IMMP2L: variants seen among roughly 807,000 people sequenced by gnomAD.
IMMP2L encodes inner mitochondrial membrane peptidase subunit 2.
In IMMP2L, 18 loss-of-function variants were observed where a neutral mutation model predicts 19.3. That is an observed-to-expected ratio of 0.93 (90% CI 0.64 to 1.38). IMMP2L has a LOEUF of 1.38. Ranked by LOEUF, IMMP2L falls within the 40% of genes most tolerant of loss-of-function variation. The pLI, the probability that IMMP2L is intolerant of heterozygous loss-of-function variation, is 0.00. For synonymous variants in IMMP2L, 76 were observed against 73.0 expected (o/e 1.04, Z -0.21); for missense variants, 233 against 218.2 (o/e 1.07, Z -0.43).
chr7:110,918,201 C>T (rs965767094), intron 4 of IMMP2L, among the ~76,000 whole-genome samples: 14 of 152,074 alleles, frequency 9.2e-5, no homozygotes, highest in African/African-American at 3.1e-4. Context: ...TCTCAAAACA[C>T]AGATTATGAA....
chr7:111,078,314 C>T (rs1047281252), intron 3 of IMMP2L, among the ~76,000 whole-genome samples: 3 of 152,170 alleles, frequency 2.0e-5, no homozygotes, highest in South Asian at 4.1e-4. Flanking sequence ...TTGGTATGCG[C>T]TTTCAGGAAA....
chr7:111,414,207 A>T (rs1314888517), intron 3 of IMMP2L, among the ~76,000 whole-genome samples: 1 of 151,838 alleles, frequency 6.6e-6, no homozygotes, highest in African/African-American at 2.4e-5. Flanking sequence ...GTTCCCCTGC[A>T]GGAAGATTCC....
chr7:111,071,475 T>C (rs1794944304), intron 3 of IMMP2L, among the ~76,000 whole-genome samples: 1 of 151,806 alleles, frequency 6.6e-6, no homozygotes, highest in African/African-American at 2.4e-5. Context: ...AGTCAGAACA[T>C]GAAAAAAAGA....
chr7:111,178,994 C>A (rs529289068), intron 3 of IMMP2L, among the ~76,000 whole-genome samples: 4 of 151,914 alleles, frequency 2.6e-5, no homozygotes, highest in Non-Finnish European at 5.9e-5. Flanking sequence ...CCAGAGCCAT[C>A]GGCAGAATCA....
rs1808444466 is a variant in IMMP2L, at chr7:110,870,607, A to G, written c.408+15986T>C. Among the ~76,000 whole-genome samples, 2 of 152,164 alleles carry G rather than the reference A, an allele frequency of 1.3e-5. No homozygotes were observed. Among genetic ancestry groups the G allele is most frequent in the Admixed American group, 1.3e-4 (2 of 15,262 alleles). On this transcript the variant is annotated intron_variant, in intron 5 of 5. Transcript: ENST00000405709. The surrounding 1 kb of genome is among the most constrained non-coding windows in gnomAD (Gnocchi z 4.2). ...GTGTTCCATTTTGTTAGATGCACAG[A>G]AAAAACTCTTCCCTGAAGTGGGGAA...
At chr7:110,737,105 T>C (rs1324759050) in intron 5 of IMMP2L, among the ~76,000 whole-genome samples, 7 of 152,096 alleles carry the variant, frequency 4.6e-5, no homozygotes, top group African/African-American at 9.7e-5. Flanking sequence ...GAACAGCCTG[T>C]AGAGACTCAC....
At chr7:111,401,346 C>T (rs983127409) in intron 3 of IMMP2L, among the ~76,000 whole-genome samples, 3 of 152,066 alleles carry the variant, frequency 2.0e-5, no homozygotes, top group African/African-American at 7.2e-5. Context: ...CAATTTTCTG[C>T]CTCCAAGGAG....
intron 3 of IMMP2L, among the ~76,000 whole-genome samples, chr7:111,182,022 G>A (rs1233502415): frequency 6.6e-6 from 1 of 151,814 alleles, no homozygotes; most frequent in Non-Finnish European, 1.5e-5. Context: ...AAAGAATTAA[G>A]CATAAAAAGA....
intron 3 of IMMP2L, among the ~76,000 whole-genome samples, chr7:111,460,512 G>A (rs546661037): frequency 2.0e-5 from 3 of 152,056 alleles, no homozygotes; most frequent in African/African-American, 4.8e-5. Flanking sequence ...GGTATTCGTG[G>A]GAGATTTTTT....
At chr7:111,253,592 C>G (rs1816380166) in intron 3 of IMMP2L, among the ~76,000 whole-genome samples, 1 of 152,070 alleles carries the variant, frequency 6.6e-6, no homozygotes, top group South Asian at 2.1e-4. Flanking sequence ...AAAAGTAACA[C>G]CAATGGTCTG....
At chr7:111,106,315 A>G (rs567191169) in intron 3 of IMMP2L, among the ~76,000 whole-genome samples, 91 of 152,074 alleles carry the variant, frequency 6.0e-4, no homozygotes, top group African/African-American at 2.0e-3. Context: ...AAGTTTGACA[A>G]CTTTTCAAAC....
At chr7:110,905,002 A>C (rs1280646184) in intron 4 of IMMP2L, among the ~76,000 whole-genome samples, 2 of 152,204 alleles carry the variant, frequency 1.3e-5, no homozygotes, top group Non-Finnish European at 2.9e-5. Flanking sequence ...CACTTTGATC[A>C]GATAAAATAT....
chr7:111,211,627 T>C (rs1000506593), intron 3 of IMMP2L, among the ~76,000 whole-genome samples: 7 of 152,144 alleles, frequency 4.6e-5, no homozygotes, highest in Non-Finnish European at 4.4e-5. Context: ...TGGGGATTAT[T>C]TGAACACAAA....
At chr7:111,135,897 T>C (rs1802289827) in intron 3 of IMMP2L, among the ~76,000 whole-genome samples, 1 of 152,150 alleles carries the variant, frequency 6.6e-6, no homozygotes, top group Non-Finnish European at 1.5e-5. Context: ...AAAGACCTCT[T>C]ATCTCAGAAT....
chr7:111,553,591 ACTTAAAT>A, intron 1 of IMMP2L, among the ~76,000 whole-genome samples: 1 of 152,350 alleles, frequency 6.6e-6, no homozygotes, highest in African/African-American at 2.4e-5. Context: ...GAGACTACAC[ACTTAAAT>A]CTTAATTACA....
intron 4 of IMMP2L, among the ~76,000 whole-genome samples, chr7:110,909,983 G>A (rs1474954709): frequency 6.6e-6 from 1 of 151,678 alleles, no homozygotes; most frequent in Admixed American, 6.6e-5. Flanking sequence ...CAAGGAAGGA[G>A]ATAGAATACT....
intron 3 of IMMP2L, among the ~76,000 whole-genome samples, chr7:111,164,383 T>C (rs1242090602): frequency 6.6e-6 from 1 of 151,944 alleles, no homozygotes; most frequent in Non-Finnish European, 1.5e-5. Flanking sequence ...ACTAAGTGGA[T>C]GGGACCCATT....
chr7:111,067,343 G>A (rs1177122720), intron 3 of IMMP2L, among the ~76,000 whole-genome samples: 1 of 152,158 alleles, frequency 6.6e-6, no homozygotes, highest in Admixed American at 6.5e-5. Flanking sequence ...CTCTGACCTG[G>A]GAAGCTGACC....
At chr7:110,775,431 T>C (rs183971708) in intron 5 of IMMP2L, among the ~76,000 whole-genome samples, 27 of 152,108 alleles carry the variant, frequency 1.8e-4, no homozygotes, top group African/African-American at 5.8e-4. Flanking sequence ...TTGATAACAA[T>C]TGGAAACCTA....
Sources: allele counts gnomAD v4.1 joint callset (sites outside exome capture counted in the v4.1 genomes callset), GRCh38; gene constraint gnomAD v4.1.1; non-coding constraint Gnocchi (gnomAD v3.1); transcripts MANE v1.5; gene names NCBI Gene and HGNC (gene_info 2026-07-23, HGNC 2026-07-21).